CWC27: variants seen among roughly 807,000 people sequenced by gnomAD.
The protein encoded by CWC27 is spliceosome-associated protein CWC27 homolog.
Under a neutral mutation model 63.6 loss-of-function variants are expected in CWC27, and 47 were observed. The ratio of observed to expected loss-of-function variants is 0.74; its 90% confidence interval spans 0.58 to 0.94. The LOEUF (loss-of-function observed/expected upper bound fraction) is 0.94, where lower values mean the gene tolerates loss of function less well. CWC27 is among the 40% of genes least tolerant of loss of function. The pLI is 0.00. For missense variants in CWC27, 495 were observed against 554.3 expected, an observed-to-expected ratio of 0.89 and a Z score of 1.07; for synonymous variants, 175 against 179.8, an observed-to-expected ratio of 0.97 and a Z score of 0.22.
At chr5:64,895,580 C>T (rs1747351909) in intron 11 of CWC27, among the ~76,000 whole-genome samples, 5 of 152,146 alleles carry the variant, frequency 3.3e-5, no homozygotes, top group Admixed American at 3.3e-4. Context: ...TCAGAAGACA[C>T]ATATGCACTG....
chr5:64,800,350 C>T (rs745806261), intron 8 of CWC27, 23 bp downstream of exon 8: 1 of 1,515,824 alleles, frequency 6.6e-7, no homozygotes, highest in South Asian at 1.2e-5. Context: ...TTGGTATGAT[C>T]CTAAGTTCTT....
At chr5:64,826,077 A>ATCTGTCTG (rs1554070977) in intron 10 of CWC27, among the ~76,000 whole-genome samples, 4 of 16,654 alleles carry the variant, frequency 2.4e-4, no homozygotes, top group African/African-American at 3.6e-4. Context: ...TTTGTAATAA[A>ATCTGTCTG]TCTATCTATC....
intron 10 of CWC27, among the ~76,000 whole-genome samples, chr5:64,833,950 A>T (rs530338331): frequency 6.6e-6 from 1 of 151,734 alleles, no homozygotes; most frequent in East Asian, 1.9e-4. Flanking sequence ...ATCATTAATA[A>T]CACTGGATGA....
intron 10 of CWC27, 62 bp downstream of exon 10, chr5:64,804,448 G>A: frequency 1.4e-6 from 2 of 1,414,502 alleles, no homozygotes; most frequent in Non-Finnish European, 9.5e-7. Flanking sequence ...CTTTAATTCA[G>A]ATTGAATCCT....
At chr5:64,860,639 T>C (rs1377486524) in intron 10 of CWC27, among the ~76,000 whole-genome samples, 1 of 152,242 alleles carries the variant, frequency 6.6e-6, no homozygotes, top group Non-Finnish European at 1.5e-5. Context: ...CATCAGTCTT[T>C]CTGGCTTAAA....
chr5:64,932,453 T>C (rs185340403), intron 11 of CWC27, among the ~76,000 whole-genome samples: 2 of 152,298 alleles, frequency 1.3e-5, no homozygotes, highest in Non-Finnish European at 2.9e-5. Flanking sequence ...TCTAAAAGTC[T>C]GAAAACCACT....
intron 10 of CWC27, among the ~76,000 whole-genome samples, chr5:64,874,568 G>A (rs1472422332): frequency 1.3e-5 from 2 of 152,054 alleles, no homozygotes; most frequent in Non-Finnish European, 2.9e-5. Flanking sequence ...CCAAGTTGAA[G>A]CGATTCTTCT....
chr5:64,804,140 C>A lies in CWC27; in HGVS notation c.781-89C>A. The A allele has an allele frequency of 5.1e-6, 6 of 1,167,992 alleles. No homozygotes were observed. The South Asian group carries it at 5.5e-5, about 11-fold the overall frequency. The allele number at this position is 1,167,992 out of a possible 1,614,324, so 72.4% of individuals were successfully genotyped here. A position where few individuals can be genotyped will look rare whatever the true frequency, so the allele number is the denominator to read the frequency against. ...AAAAAAAAAAACCTAGTTTAGAATGCAATAAGGAGATTCAGTGGATGCAAT... is the reference window on the plus strand; with the variant it reads ...AAAAAAAAAAACCTAGTTTAGAATGAAATAAGGAGATTCAGTGGATGCAAT... On this transcript the variant is annotated intron_variant, in intron 9 of 13. Transcript: ENST00000381070.
At chr5:64,807,375 T>G (rs1744720437) in intron 10 of CWC27, among the ~76,000 whole-genome samples, 1 of 152,182 alleles carries the variant, frequency 6.6e-6, no homozygotes, top group Non-Finnish European at 1.5e-5. Context: ...CAGAATAATT[T>G]TCAACAAGTT....
chr5:64,801,289 A>G lies in CWC27; in HGVS notation c.750-13A>G. ...CTTGAAACTAAAATTTGTTTTGCTT[A>G]TTTTTTTTATAGTGAAAAAGGTGAT... On this transcript the variant is annotated splice_polypyrimidine_tract_variant and intron_variant, in intron 8 of 13. Coordinates refer to ENST00000381070, the MANE Select transcript of CWC27 (RefSeq NM_005869.4). 5.7e-6 allele frequency: 8 copies of G among 1,412,530 alleles called. No homozygotes were observed. The highest frequency in any genetic ancestry group is 6.7e-6 in the Non-Finnish European group (7 of 1,046,426). The allele number at this position is 1,412,530 out of a possible 1,614,324, so 87.5% of individuals were successfully genotyped here.
intron 10 of CWC27, among the ~76,000 whole-genome samples, chr5:64,861,181 GT>G (rs1050460379): frequency 1.3e-5 from 2 of 151,922 alleles, no homozygotes; most frequent in Non-Finnish European, 1.5e-5. Context: ...CAACATGGTG[GT>G]CTCGGTTTCT....
intron 11 of CWC27, among the ~76,000 whole-genome samples, chr5:64,894,784 A>G (rs1182890696): frequency 6.6e-6 from 1 of 152,250 alleles, no homozygotes; most frequent in African/African-American, 2.4e-5. Context: ...TTTAACCCTA[A>G]GGACATTTGT....
chr5:64,781,305 G>A (rs1443030088), intron 2 of CWC27, among the ~76,000 whole-genome samples: 3 of 152,088 alleles, frequency 2.0e-5, no homozygotes, highest in African/African-American at 2.4e-5. Context: ...TTTATTCAAA[G>A]TTTCTTGAGG....
At chr5:64,800,596 T>C (rs1374428352) in intron 8 of CWC27, among the ~76,000 whole-genome samples, 1 of 152,218 alleles carries the variant, frequency 6.6e-6, no homozygotes, top group Non-Finnish European at 1.5e-5. Flanking sequence ...CTAGAAACTG[T>C]TTGCTTTAAC....
chr5:64,916,337 T>G (rs1747887038), intron 11 of CWC27, among the ~76,000 whole-genome samples: 1 of 152,142 alleles, frequency 6.6e-6, no homozygotes. Context: ...GCCTTTAAAG[T>G]CAGAAAAACC....
intron 11 of CWC27, among the ~76,000 whole-genome samples, chr5:64,938,554 A>G (rs1748407193): frequency 1.3e-5 from 2 of 151,922 alleles, no homozygotes; most frequent in African/African-American, 4.8e-5. Context: ...CCTTCATTTC[A>G]TCCTTGGTGA....
intron 11 of CWC27, among the ~76,000 whole-genome samples, chr5:64,891,158 T>A (rs1190597181): frequency 3.9e-5 from 6 of 152,208 alleles, no homozygotes; most frequent in African/African-American, 1.2e-4. Context: ...AAGAGAAGTT[T>A]AAATTGTATT....
intron 13 of CWC27, among the ~76,000 whole-genome samples, chr5:65,009,429 A>G (rs555315206): frequency 6.6e-6 from 1 of 152,354 alleles, no homozygotes; most frequent in South Asian, 2.1e-4. Context: ...GTAAATATTC[A>G]AATAAGCACA....
intron 11 of CWC27, among the ~76,000 whole-genome samples, chr5:64,939,838 C>T (rs563129191): frequency 1.0e-3 from 155 of 152,308 alleles, no homozygotes; most frequent in African/African-American, 3.4e-3. Flanking sequence ...TCTGGAGAGG[C>T]AGTCTGGCTA....
Sources: gnomAD v4.1 joint callset for allele counts (sites outside exome capture counted in the v4.1 genomes callset) on GRCh38, gnomAD v4.1.1 for gene constraint, MANE v1.5 for transcripts, NCBI Gene and HGNC (gene_info 2026-07-23, HGNC 2026-07-21) for gene names.